Variants in STK17A observed in about 807,000 individuals in gnomAD.
STK17A encodes serine/threonine kinase 17a, also known as serine/threonine-protein kinase 17A.
Under a neutral mutation model 43.7 loss-of-function variants are expected in STK17A, and 26 were observed. The ratio of observed to expected loss-of-function variants is 0.60; its 90% CI spans 0.44 to 0.83. STK17A has a LOEUF of 0.83. STK17A is among the 40% of genes least tolerant of loss of function. The pLI, the probability that STK17A is intolerant of heterozygous loss-of-function variation, is 0.00. For missense variants in STK17A, 476 were observed against 511.6 expected (o/e 0.93, Z 0.67); for synonymous variants, 191 against 182.5 (o/e 1.05, Z -0.38).
At chr7:43,613,944 T>C (rs1490177953) in intron 3 of STK17A, among the ~76,000 whole-genome samples, 1 of 152,216 alleles carries the variant, frequency 6.6e-6, no homozygotes, top group Non-Finnish European at 1.5e-5. Context: ...AGCATCAGTA[T>C]ATTACTTGAA....
At chr7:43,600,363 A>AT (rs1304088445) in intron 2 of STK17A, among the ~76,000 whole-genome samples, 1 of 152,176 alleles carries the variant, frequency 6.6e-6, no homozygotes, top group East Asian at 1.9e-4. Context: ...TGATTTGGGG[A>AT]TTTTAGACTT....
At position 43,617,153 on chromosome 7, in the gene STK17A, G is replaced by A. The variant is rs575792042; in HGVS notation, c.565-2444G>A. ...CAGCTTCATGGAGCCGGGGGATCAT[G>A]GCATATGATGAGTCTGGAGAGCTAG... On this transcript the variant is annotated intron_variant, in intron 3 of 6. Transcript: ENST00000319357. Among the ~76,000 whole-genome samples, 3 of 150,242 alleles carry A rather than the reference G, an allele frequency of 2.0e-5. No individual in the cohort carries two copies. In the East Asian group the frequency reaches 5.8e-4, roughly 29 times the overall value.
chr7:43,603,794 T>C (rs1395940321), intron 2 of STK17A, among the ~76,000 whole-genome samples: 4 of 152,214 alleles, frequency 2.6e-5, no homozygotes, highest in Non-Finnish European at 4.4e-5. Flanking sequence ...GATGGTTCAG[T>C]GTACACAAAC....
chr7:43,601,755 C>T (rs1563146225), intron 2 of STK17A, among the ~76,000 whole-genome samples: 1 of 152,176 alleles, frequency 6.6e-6, no homozygotes, highest in Non-Finnish European at 1.5e-5. Flanking sequence ...AGAATGCATG[C>T]TGTGTGTCCC....
chr7:43,612,421 G>A (rs967037477), intron 3 of STK17A, among the ~76,000 whole-genome samples: 19 of 152,232 alleles, frequency 1.2e-4, no homozygotes, highest in African/African-American at 3.9e-4. Flanking sequence ...GTCTTCGACA[G>A]TGTGTGCTCA....
intron 1 of STK17A, among the ~76,000 whole-genome samples, chr7:43,589,691 C>G (rs2082465877): frequency 2.1e-5 from 3 of 142,464 alleles, no homozygotes; most frequent in Admixed American, 1.4e-4. Flanking sequence ...CCTCTCATCT[C>G]TGCGTACAAC....
At chr7:43,611,947 T>C (rs2082915162) in intron 3 of STK17A, among the ~76,000 whole-genome samples, 1 of 152,196 alleles carries the variant, frequency 6.6e-6, no homozygotes, top group Non-Finnish European at 1.5e-5. Flanking sequence ...GTCAGCACCA[T>C]GTGTCATGGA....
chr7:43,597,516 G>C (rs2082525603), intron 2 of STK17A, among the ~76,000 whole-genome samples: 1 of 152,068 alleles, frequency 6.6e-6, no homozygotes, highest in Non-Finnish European at 1.5e-5. Flanking sequence ...CAAGTAGCTA[G>C]GATTACAGGC....
intron 1 of STK17A, among the ~76,000 whole-genome samples, chr7:43,583,836 C>A (rs2082420497): frequency 6.6e-6 from 1 of 152,224 alleles, no homozygotes; most frequent in African/African-American, 2.4e-5. Context: ...TTGCATTTTT[C>A]CTTCAACTCT....
At chr7:43,597,931 C>CA (rs1213910887) in intron 2 of STK17A, among the ~76,000 whole-genome samples, 5 of 150,260 alleles carry the variant, frequency 3.3e-5, no homozygotes, top group African/African-American at 7.3e-5. Flanking sequence ...TCTCAAAAAA[C>CA]AAAAAAAATT....
At chr7:43,617,342 A>G (rs2083447396) in intron 3 of STK17A, among the ~76,000 whole-genome samples, 1 of 152,238 alleles carries the variant, frequency 6.6e-6, no homozygotes, top group African/African-American at 2.4e-5. Flanking sequence ...AACAGATCCT[A>G]GCAAACCTTT....
chr7:43,615,759 C>T (rs1405354207), intron 3 of STK17A, among the ~76,000 whole-genome samples: 1 of 152,206 alleles, frequency 6.6e-6, no homozygotes, highest in Non-Finnish European at 1.5e-5. Context: ...CCTGCAGATG[C>T]TCCACAGCAG....
Position 43,624,674 on chromosome 7 carries a change from A to T in STK17A, c.1077A>T (p.Ser359=). ...AAATTAATTCGGATACCGACAAATC[A>T]GAAACCAAGGAATCCATTGTAACCG... ...VPEINSDTDK[S]ETKESIVTEE... The change falls in exon 7 of 7, where the codon TCA becomes TCT. Residue 359 remains serine (S), a synonymous_variant. Coordinates refer to ENST00000319357, the MANE Select transcript of STK17A (RefSeq NM_004760.3). 1 of 1,614,156 alleles carries T rather than the reference A, an allele frequency of 6.2e-7. No individual in the cohort carries two copies. Among genetic ancestry groups the T allele is most frequent in the Non-Finnish European group, 8.5e-7 (1 of 1,180,006 alleles).
At chr7:43,614,083 G>C (rs1230329807) in intron 3 of STK17A, among the ~76,000 whole-genome samples, 1 of 152,090 alleles carries the variant, frequency 6.6e-6, no homozygotes, top group Non-Finnish European at 1.5e-5. Context: ...CTGATAAAAT[G>C]TTCCTTAAAA....
chr7:43,606,916 C>CTTTTTTTTTTTTTTTTTTTTTT (rs71011933), intron 2 of STK17A, among the ~76,000 whole-genome samples: 5 of 62,638 alleles, frequency 8.0e-5, no homozygotes, highest in Non-Finnish European at 1.1e-4. Flanking sequence ...TTTCGATTTT[C>CTTTTTTTTTTTTTTTTTTTTTT]TTTTTTTTTT....
At chr7:43,583,500 G>C in intron 1 of STK17A, 51 bp downstream of exon 1, 1 of 1,250,562 alleles carries the variant, frequency 8.0e-7, no homozygotes, top group East Asian at 3.2e-5. Context: ...CGCGGGGCGG[G>C]ACGTGGGCGC....
At chr7:43,598,731 A>G (rs1236356703) in intron 2 of STK17A, among the ~76,000 whole-genome samples, 1 of 151,964 alleles carries the variant, frequency 6.6e-6, no homozygotes, top group Admixed American at 6.6e-5. Flanking sequence ...ATTTATTAAG[A>G]AAGTTTAAAT....
At chr7:43,586,942 C>A (rs1475103211) in intron 1 of STK17A, among the ~76,000 whole-genome samples, 1 of 151,208 alleles carries the variant, frequency 6.6e-6, no homozygotes, top group Non-Finnish European at 1.5e-5. Flanking sequence ...TTGATTCTCA[C>A]CACAAGCCTG....
intron 4 of STK17A, among the ~76,000 whole-genome samples, chr7:43,621,596 T>C (rs1458109735): frequency 6.6e-6 from 1 of 152,082 alleles, no homozygotes. Context: ...GCCTCCCGAG[T>C]AGCTGGGACC....
Sources: allele counts gnomAD v4.1 joint callset (sites outside exome capture counted in the v4.1 genomes callset), GRCh38; gene constraint gnomAD v4.1.1; transcripts MANE v1.5; gene names NCBI Gene and HGNC (gene_info 2026-07-23, HGNC 2026-07-21).